Variants in SPMIP2 observed in about 807,000 individuals in gnomAD.
SPMIP2 encodes protein SPMIP2.
At chr4:159,031,280 G>A in the SPMIP2 span, among the ~76,000 whole-genome samples, 1 of 152,164 alleles carries the variant, frequency 6.6e-6, no homozygotes, top group Non-Finnish European at 1.5e-5. Context: ...TAAGACATAA[G>A]CATCCCTAAA....
the SPMIP2 span, among the ~76,000 whole-genome samples, chr4:159,080,955 C>T: frequency 6.6e-6 from 1 of 152,040 alleles, no homozygotes; most frequent in Admixed American, 6.6e-5. Context: ...GATCTCCTAA[C>T]CTTGTGATCC....
At chr4:159,007,654 A>G in the SPMIP2 span, 1 of 786,362 alleles carries the variant, frequency 1.3e-6, no homozygotes, top group Non-Finnish European at 2.1e-6. Flanking sequence ...AAGGCCTCCA[A>G]GGAGACTCAT....
the SPMIP2 span, among the ~76,000 whole-genome samples, chr4:159,002,766 G>GCGCA: frequency 6.8e-6 from 1 of 148,092 alleles, no homozygotes; most frequent in East Asian, 2.0e-4. Context: ...ACATATCACT[G>GCGCA]CACACACACA....
chr4:159,073,172 G>A, the SPMIP2 span, among the ~76,000 whole-genome samples: 1 of 151,918 alleles, frequency 6.6e-6, no homozygotes, highest in Non-Finnish European at 1.5e-5. Context: ...TTTTGTTTTG[G>A]AGACAGGGTC....
chr4:158,984,110 A>G, the SPMIP2 span, among the ~76,000 whole-genome samples: 1 of 128,174 alleles, frequency 7.8e-6, no homozygotes, highest in African/African-American at 2.9e-5. Flanking sequence ...CTAAATATAT[A>G]TGCACCCAAT....
the SPMIP2 span, chr4:158,893,332 C>G: frequency 5.4e-6 from 1 of 186,906 alleles, no homozygotes; most frequent in African/African-American, 2.3e-5. Context: ...TCTTTCAAAG[C>G]CTTAATTTCC....
the SPMIP2 span, among the ~76,000 whole-genome samples, chr4:158,939,392 TCCTA>T: frequency 2.0e-5 from 3 of 152,208 alleles, no homozygotes; most frequent in Non-Finnish European, 4.4e-5. Flanking sequence ...TTCATCTCTA[TCCTA>T]CTTACTAATC....
the SPMIP2 span, among the ~76,000 whole-genome samples, chr4:159,037,783 TATACACACAC>T: frequency 1.4e-3 from 141 of 97,690 alleles, no homozygotes; most frequent in Admixed American, 5.4e-3. Flanking sequence ...AAAAACAATA[TATACACACAC>T]ACACACACAC....
At chr4:159,002,228 G>A in the SPMIP2 span, among the ~76,000 whole-genome samples, 1 of 152,068 alleles carries the variant, frequency 6.6e-6, no homozygotes, top group Admixed American at 6.6e-5. Context: ...ATTAGACCAA[G>A]AGTATTTTAT....
At chr4:158,961,675 G>A in the SPMIP2 span, among the ~76,000 whole-genome samples, 1 of 151,946 alleles carries the variant, frequency 6.6e-6, no homozygotes, top group Admixed American at 6.6e-5. Context: ...ATCCAAAATT[G>A]CATCTTCTTA....
chr4:158,921,919 G>T, the SPMIP2 span, among the ~76,000 whole-genome samples: 34 of 120,512 alleles, frequency 2.8e-4, no homozygotes, highest in African/African-American at 8.7e-4. Flanking sequence ...ACAGAGTCTT[G>T]CTCTGTCACC....
chr4:159,035,924 CT>C, the SPMIP2 span, among the ~76,000 whole-genome samples: 1 of 152,178 alleles, frequency 6.6e-6, no homozygotes. Context: ...AATTATTTGT[CT>C]ATTTTATCGA....
the SPMIP2 span, chr4:158,893,406 A>G: frequency 9.6e-5 from 29 of 302,954 alleles, no homozygotes; most frequent in Non-Finnish European, 1.7e-4. Context: ...ATATTAGAGA[A>G]TGAATGTAAA....
the SPMIP2 span, among the ~76,000 whole-genome samples, chr4:159,028,992 G>A: frequency 6.6e-6 from 1 of 152,160 alleles, no homozygotes; most frequent in Admixed American, 6.5e-5. Flanking sequence ...CTACTCGAGA[G>A]GCTAAGGCAG....
At chr4:159,080,391 AT>A in the SPMIP2 span, among the ~76,000 whole-genome samples, 2 of 151,664 alleles carry the variant, frequency 1.3e-5, no homozygotes, top group African/African-American at 4.8e-5. Flanking sequence ...TAATTAAAAA[AT>A]TTTTTTTGTA....
the SPMIP2 span, among the ~76,000 whole-genome samples, chr4:159,069,030 C>T: frequency 6.6e-6 from 1 of 152,136 alleles, no homozygotes; most frequent in East Asian, 1.9e-4. Context: ...AGGCTGGGTG[C>T]CGTGGCTCAC....
At chr4:159,027,215 A>C in the SPMIP2 span, among the ~76,000 whole-genome samples, 1 of 152,180 alleles carries the variant, frequency 6.6e-6, no homozygotes, top group African/African-American at 2.4e-5. Flanking sequence ...AGCAACGCCT[A>C]ATATCTAATG....
the SPMIP2 span, among the ~76,000 whole-genome samples, chr4:158,996,448 G>A: frequency 6.6e-6 from 1 of 152,114 alleles, no homozygotes; most frequent in Non-Finnish European, 1.5e-5. Flanking sequence ...CACATAGATA[G>A]TCTCTAGATA....
At chr4:158,960,291 G>T in the SPMIP2 span, 2 of 1,546,876 alleles carry the variant, frequency 1.3e-6, no homozygotes, top group East Asian at 4.5e-5. Context: ...CTTACCATGG[G>T]TTTTGATATC....
Sources: allele counts gnomAD v4.1 joint callset (sites outside exome capture counted in the v4.1 genomes callset), GRCh38; gene constraint gnomAD v4.1.1; transcripts MANE v1.5; gene names NCBI Gene and HGNC (gene_info 2026-07-23, HGNC 2026-07-21).